LUC7L3: variants seen among roughly 807,000 people sequenced by gnomAD.
The protein encoded by LUC7L3 is luc7-like protein 3.
Under a neutral mutation model 66.8 loss-of-function variants are expected in LUC7L3, and 6 were observed. The ratio of observed to expected loss-of-function variants is 0.09; its 90% CI spans 0.05 to 0.18. The LOEUF (loss-of-function observed/expected upper bound fraction) is 0.18, where lower values mean the gene tolerates loss of function less well. LUC7L3 is among the 10% of genes least tolerant of loss of function. The pLI is 1.00. For missense variants in LUC7L3, 341 were observed against 531.1 expected (o/e 0.64, Z 3.52); for synonymous variants, 160 against 174.7 (o/e 0.92, Z 0.66).
chr17:50,726,957 C>T (rs888766014), intron 1 of LUC7L3, among the ~76,000 whole-genome samples: 1 of 151,978 alleles, frequency 6.6e-6, no homozygotes, highest in African/African-American at 2.4e-5. Context: ...GGCGTTGTGG[C>T]CGGTGCTTGT....
chr17:50,735,528 G>A (rs1455701605), intron 1 of LUC7L3, among the ~76,000 whole-genome samples: 1 of 151,494 alleles, frequency 6.6e-6, no homozygotes, highest in Non-Finnish European at 1.5e-5. Flanking sequence ...TCAAGACAGG[G>A]TGTGATAGTG....
chr17:50,721,680 C>G (rs1968777346), intron 1 of LUC7L3, among the ~76,000 whole-genome samples: 1 of 152,162 alleles, frequency 6.6e-6, no homozygotes, highest in Admixed American at 6.5e-5. Flanking sequence ...TATAATGAAG[C>G]TGGGGAAGCT....
At chr17:50,738,200 G>C (rs557848505) in intron 2 of LUC7L3, 1 of 447,024 alleles carries the variant, frequency 2.2e-6, no homozygotes, top group African/African-American at 2.0e-5. Context: ...ATCTCTGCAG[G>C]TACTGACCCT....
chr17:50,724,610 A>AG (rs1969032122), intron 1 of LUC7L3, among the ~76,000 whole-genome samples: 1 of 51,236 alleles, frequency 2.0e-5, no homozygotes, highest in Admixed American at 2.8e-4. Flanking sequence ...CTTTAGGAAA[A>AG]TTGTGTGTGT....
chr17:50,741,603 C>A (rs1597926166), intron 4 of LUC7L3, 54 bp from the exon 5 acceptor site: 3 of 1,106,406 alleles, frequency 2.7e-6, no homozygotes, highest in African/African-American at 3.1e-5. Context: ...TGCAAGTTTG[C>A]ATGTTTATCT....
At chr17:50,722,932 GATT>G (rs1567853873) in intron 1 of LUC7L3, 2 of 152,180 alleles carry the variant, frequency 1.3e-5, no homozygotes, top group African/African-American at 4.8e-5. Flanking sequence ...AATTGTTTGA[GATT>G]ATTGTTTTGG....
At chr17:50,727,051 C>T (rs1351087044) in intron 1 of LUC7L3, among the ~76,000 whole-genome samples, 3 of 151,790 alleles carry the variant, frequency 2.0e-5, no homozygotes, top group Non-Finnish European at 4.4e-5. Context: ...ATCATGCCAC[C>T]GCACTCCAGC....
intron 1 of LUC7L3, among the ~76,000 whole-genome samples, chr17:50,730,538 A>G (rs1331191915): frequency 3.2e-5 from 4 of 124,108 alleles, no homozygotes; most frequent in Non-Finnish European, 7.0e-5. Flanking sequence ...AAAAAAAAAA[A>G]GACCTAAAAA....
chr17:50,729,924 A>G (rs1294990305), intron 1 of LUC7L3, among the ~76,000 whole-genome samples: 4 of 40,350 alleles, frequency 9.9e-5, no homozygotes, highest in South Asian at 7.3e-4. Flanking sequence ...ATATATATAT[A>G]TATATATATA....
chr17:50,742,519 C>T (rs942420892), intron 5 of LUC7L3, among the ~76,000 whole-genome samples: 9 of 152,046 alleles, frequency 5.9e-5, no homozygotes, highest in Admixed American at 3.3e-4. Flanking sequence ...CCACCATCCC[C>T]GGCTGATTGT....
chr17:50,737,445 G>A, intron 2 of LUC7L3: 1 of 413,110 alleles, frequency 2.4e-6, no homozygotes, highest in South Asian at 1.8e-5. Flanking sequence ...TTGATCAGCA[G>A]AACCCTGGAC....
Position 50,754,674 on chromosome 17 carries a change from A to C in LUC7L3, c.*4013A>C, listed in dbSNP as rs1489373076. The C allele has an allele frequency of 6.6e-6, 1 of 151,998 alleles. No homozygotes were observed. Among genetic ancestry groups the C allele is most frequent in the Admixed American group, 6.6e-5 (1 of 15,256 alleles). 9.4% of individuals were successfully genotyped at this position (151,998 alleles called of 1,614,324 possible). ...TTTTTTTCCCCTTCAAACACAGTCC[A>C]TTCATTTTTCAGTTTGGGTTGAAAC... On this transcript the variant is annotated 3_prime_UTR_variant, in exon 10 of 10. Coordinates refer to ENST00000505658, the MANE Select transcript of LUC7L3 (RefSeq NM_016424.5).
Position 50,745,811 on chromosome 17 carries a change from A to G in LUC7L3, c.785A>G (p.Glu262Gly). Residue 262 changes from glutamate (E) to glycine (G), a missense_variant, in exon 8 of 10, where the codon GAG (glutamate) becomes GGG (glycine). This residue lies in a region of LUC7L3 where 210 missense variants were observed against 238.1 expected (regional missense o/e 0.88). Transcript: ENST00000505658. ...QEREEREKER[E>G]REREERERKR... The stretch of plus-strand genomic sequence containing the variant: ...AGAGAAGAAAGAGAAAAAGAACGGG[A>G]GAGAGAAAGGGAAGAAAGAGAAAGG... The G allele has an allele frequency of 6.3e-7, 1 of 1,590,630 alleles. No homozygotes were observed. Among genetic ancestry groups the G allele is most frequent in the Admixed American group, 1.7e-5 (1 of 58,520 alleles).
chr17:50,727,745 G>A (rs1017475506), intron 1 of LUC7L3, among the ~76,000 whole-genome samples: 1 of 152,182 alleles, frequency 6.6e-6, no homozygotes, highest in Non-Finnish European at 1.5e-5. Context: ...ATTTTAAATA[G>A]TATTGTAGTG....
rs1398721738 is a variant in LUC7L3, at chr17:50,753,490, T to C, written c.*2829T>C. ...AAAAATAATGAAGCCGCCCCCACTT[T>C]AGAGGCTCTGTATGAAAAAATGCTG... On this transcript the variant is annotated 3_prime_UTR_variant, in exon 10 of 10. Transcript: ENST00000505658. 6.6e-6 allele frequency: 1 copy of C among 152,258 alleles called. No homozygotes were observed. The highest frequency in any genetic ancestry group is 1.5e-5 in the Non-Finnish European group (1 of 68,030). The allele number at this position is 152,258 out of a possible 1,614,324, so 9.4% of individuals were successfully genotyped here.
chr17:50,731,827 G>A (rs1969622596), intron 1 of LUC7L3, among the ~76,000 whole-genome samples: 1 of 152,224 alleles, frequency 6.6e-6, no homozygotes, highest in Admixed American at 6.5e-5. Context: ...AGACAGGCAT[G>A]TGTTATTTGG....
At position 50,752,251 on chromosome 17, in the gene LUC7L3, G is replaced by T; in HGVS notation, c.*1590G>T. The T allele has an allele frequency of 7.8e-7, 1 of 1,277,206 alleles. No homozygotes were observed. The highest frequency in any genetic ancestry group is 1.0e-6 in the Non-Finnish European group (1 of 982,106). The allele number at this position is 1,277,206 out of a possible 1,614,324, so 79.1% of individuals were successfully genotyped here. ...AATACTGAGAACGGCATAAAGTGAA[G>T]ATCGACATTTAAAAAATGAGGTGAA... On this transcript the variant is annotated 3_prime_UTR_variant, in exon 10 of 10. Transcript: ENST00000505658.
rs1047791080 is a variant in LUC7L3 at position 50,754,661 on chromosome 17, TCAAA to T, written c.*4003_*4006del. 5 of 152,200 alleles carry T rather than the reference TCAAA, an allele frequency of 3.3e-5. No homozygotes were observed. Among genetic ancestry groups the T allele is most frequent in the African/African-American group, 1.2e-4 (5 of 41,468 alleles). 9.4% of individuals were successfully genotyped at this position (152,200 alleles called of 1,614,324 possible). A position where few individuals can be genotyped will look rare whatever the true frequency, so the allele number is the denominator to read the frequency against. Reference sequence around the variant, plus strand: ...TTGTTAAAACGTTTTTTTTTCCCCTTCAAACACAGTCCATTCATTTTTCAGTTTG... The same window carrying T: ...TTGTTAAAACGTTTTTTTTTCCCCTTCACAGTCCATTCATTTTTCAGTTTG... On this transcript the variant is annotated 3_prime_UTR_variant, in exon 10 of 10. Coordinates refer to ENST00000505658, the MANE Select transcript of LUC7L3 (RefSeq NM_016424.5).
At chr17:50,732,733 GTTC>G (rs1466016322) in intron 1 of LUC7L3, among the ~76,000 whole-genome samples, 1 of 151,982 alleles carries the variant, frequency 6.6e-6, no homozygotes, top group Non-Finnish European at 1.5e-5. Context: ...ACGACCTCTG[GTTC>G]TTTTTCTTTT....
Sources: gnomAD v4.1 joint callset for allele counts (sites outside exome capture counted in the v4.1 genomes callset) on GRCh38, gnomAD v4.1.1 for gene constraint, gnomAD v4.1.1 regional missense constraint, MANE v1.5 for transcripts, NCBI Gene and HGNC (gene_info 2026-07-23, HGNC 2026-07-21) for gene names.